The following LOC128125818 variants were observed in gnomAD, a reference collection of about 807,000 sequenced individuals.
chr4:6,069,841 C>T, the LOC128125818 span, among the ~76,000 whole-genome samples: 2 of 152,128 alleles, frequency 1.3e-5, no homozygotes, highest in Non-Finnish European at 2.9e-5. The surrounding 1 kb of genome is among the most constrained non-coding windows in gnomAD (Gnocchi z 4.5). Context: ...TACAGAGGTG[C>T]TCTTCCTCAG....
At chr4:6,066,659 C>T in the LOC128125818 span, among the ~76,000 whole-genome samples, 1 of 150,192 alleles carries the variant, frequency 6.7e-6, no homozygotes. Flanking sequence ...TCTTCTCCAC[C>T]TCTCATGCCT....
the LOC128125818 span, among the ~76,000 whole-genome samples, chr4:6,068,644 G>A: frequency 2.7e-5 from 4 of 146,102 alleles, no homozygotes; most frequent in African/African-American, 7.6e-5. Flanking sequence ...TACAACTTCC[G>A]TCTCCCAAGT....
chr4:6,065,018 G>T, the LOC128125818 span: 1 of 1,614,026 alleles, frequency 6.2e-7, no homozygotes, highest in East Asian at 2.2e-5. This position sits in a 1 kb window ranked among gnomAD's most constrained non-coding sequence, Gnocchi z 5.1. Flanking sequence ...TCTGTAAAAC[G>T]CAATTTGTAT....
At chr4:6,065,103 G>A in the LOC128125818 span, 1 of 1,494,088 alleles carries the variant, frequency 6.7e-7, no homozygotes, top group Non-Finnish European at 9.2e-7. This position sits in a 1 kb window ranked among gnomAD's most constrained non-coding sequence, Gnocchi z 5.1. Context: ...GGGGGGTGAT[G>A]ATTGACATTT....
the LOC128125818 span, among the ~76,000 whole-genome samples, chr4:6,069,752 C>CAAAA: frequency 6.4e-5 from 8 of 125,106 alleles, no homozygotes; most frequent in South Asian, 2.1e-3. This position sits in a 1 kb window ranked among gnomAD's most constrained non-coding sequence, Gnocchi z 4.5. Flanking sequence ...GATCCTGTCT[C>CAAAA]AAAAAAAAAA....
the LOC128125818 span, chr4:6,070,154 A>G: frequency 1.3e-5 from 5 of 398,790 alleles, no homozygotes; most frequent in Non-Finnish European, 2.2e-5. Flanking sequence ...CAAAGAGGAC[A>G]TATTCCATGG....
chr4:6,065,050 T>G, the LOC128125818 span: 1 of 1,612,614 alleles, frequency 6.2e-7, no homozygotes, highest in African/African-American at 1.3e-5. The surrounding 1 kb of genome is among the most constrained non-coding windows in gnomAD (Gnocchi z 5.1). Flanking sequence ...CGACTGAGGA[T>G]TGCCAGAGTC....
At chr4:6,064,989 A>T in the LOC128125818 span, 15 of 1,614,148 alleles carry the variant, frequency 9.3e-6, no homozygotes, top group Non-Finnish European at 1.3e-5. The surrounding 1 kb of genome is among the most constrained non-coding windows in gnomAD (Gnocchi z 4.3). Flanking sequence ...AAATCCAAAA[A>T]ATGTCTCCAC....
the LOC128125818 span, among the ~76,000 whole-genome samples, chr4:6,066,623 G>A: frequency 5.3e-5 from 8 of 151,990 alleles, no homozygotes; most frequent in African/African-American, 1.7e-4. Flanking sequence ...AGTTGCCCAG[G>A]CCCCAATCCC....
At chr4:6,070,086 C>T in the LOC128125818 span, 2 of 398,766 alleles carry the variant, frequency 5.0e-6, no homozygotes, top group South Asian at 1.3e-4. Flanking sequence ...CTCCTGGCAG[C>T]CAGAGAAGTA....
At chr4:6,068,604 C>A in the LOC128125818 span, among the ~76,000 whole-genome samples, 11 of 145,806 alleles carry the variant, frequency 7.5e-5, no homozygotes, top group African/African-American at 1.8e-4. Flanking sequence ...GTCGCCCAGG[C>A]TGGAGAGCAG....
the LOC128125818 span, chr4:6,064,990 A>T: frequency 6.2e-7 from 1 of 1,614,164 alleles, no homozygotes; most frequent in Non-Finnish European, 8.5e-7. The surrounding 1 kb of genome is among the most constrained non-coding windows in gnomAD (Gnocchi z 4.3). Context: ...AATCCAAAAA[A>T]TGTCTCCACA....
At chr4:6,066,941 C>G in the LOC128125818 span, among the ~76,000 whole-genome samples, 250 of 151,672 alleles carry the variant, frequency 1.6e-3, 1 homozygote, top group African/African-American at 5.6e-3. Flanking sequence ...CCTTTGCGCT[C>G]CGAGACGCTC....
the LOC128125818 span, among the ~76,000 whole-genome samples, chr4:6,066,167 A>C: frequency 6.6e-6 from 1 of 152,186 alleles, no homozygotes; most frequent in Non-Finnish European, 1.5e-5. Context: ...CCCACAGAGA[A>C]AACCCAGGCA....
At chr4:6,067,766 A>AGCTCCACGTTCACTCAAGCTCT in the LOC128125818 span, among the ~76,000 whole-genome samples, 5 of 130,262 alleles carry the variant, frequency 3.8e-5, no homozygotes, top group African/African-American at 1.3e-4. This position sits in a 1 kb window ranked among gnomAD's most constrained non-coding sequence, Gnocchi z 4.6. Flanking sequence ...CACCCCCCTG[A>AGCTCCACGTTCACTCAAGCTCT]GCTCCACGTT....
At chr4:6,069,731 T>C in the LOC128125818 span, among the ~76,000 whole-genome samples, 1 of 144,768 alleles carries the variant, frequency 6.9e-6, no homozygotes, top group Non-Finnish European at 1.5e-5. The surrounding 1 kb of genome is among the most constrained non-coding windows in gnomAD (Gnocchi z 4.5). Flanking sequence ...CCAGCCTGGG[T>C]GACAGGGCAA....
the LOC128125818 span, among the ~76,000 whole-genome samples, chr4:6,066,049 A>G: frequency 6.6e-6 from 1 of 152,110 alleles, no homozygotes; most frequent in Non-Finnish European, 1.5e-5. Flanking sequence ...TTTTACAATC[A>G]ATGAATGCCT....
chr4:6,065,710 T>C, the LOC128125818 span, among the ~76,000 whole-genome samples: 26 of 152,298 alleles, frequency 1.7e-4, no homozygotes, highest in East Asian at 5.0e-3. The surrounding 1 kb of genome is among the most constrained non-coding windows in gnomAD (Gnocchi z 5.1). Context: ...CAGAGGCAAA[T>C]TGTAAGGCTC....
At chr4:6,069,685 TG>T in the LOC128125818 span, among the ~76,000 whole-genome samples, 1 of 149,158 alleles carries the variant, frequency 6.7e-6, no homozygotes, top group Admixed American at 6.7e-5. The surrounding 1 kb of genome is among the most constrained non-coding windows in gnomAD (Gnocchi z 4.5). Flanking sequence ...CCTGGGAGGT[TG>T]GGGCTGCAGT....
Sources: gnomAD v4.1 joint callset for allele counts (sites outside exome capture counted in the v4.1 genomes callset) on GRCh38, gnomAD v4.1.1 for gene constraint, Gnocchi (gnomAD v3.1) non-coding constraint, MANE v1.5 for transcripts.